The following DOCK10 variants were observed in gnomAD, a reference collection of about 807,000 sequenced individuals.
The protein encoded by DOCK10 is dedicator of cytokinesis 10.
A neutral mutation model predicts 280.1 loss-of-function variants in DOCK10; 145 were observed. That is an observed-to-expected ratio of 0.52 (90% CI 0.45 to 0.59). The LOEUF is 0.59. Among genes scored for constraint, DOCK10 ranks in the 20% least tolerant of loss-of-function variants. DOCK10 has a pLI of 0.00. For synonymous variants in DOCK10, 915 were observed against 942.2 expected, an observed-to-expected ratio of 0.97 and a Z score of 0.53; for missense variants, 2,368 against 2,651.7, an observed-to-expected ratio of 0.89 and a Z score of 2.35.
chr2:225,005,521 T>C (rs1164524854), intron 1 of DOCK10, among the ~76,000 whole-genome samples: 1 of 152,236 alleles, frequency 6.6e-6, no homozygotes, highest in Non-Finnish European at 1.5e-5. Context: ...TTTTAATCAA[T>C]GACTACCTTT....
intron 50 of DOCK10, among the ~76,000 whole-genome samples, chr2:224,779,511 C>G (rs1002059229): frequency 3.3e-5 from 5 of 152,106 alleles, no homozygotes; most frequent in African/African-American, 1.2e-4. Flanking sequence ...CTGGTTTCTT[C>G]TAATTGTAGA....
intron 1 of DOCK10, among the ~76,000 whole-genome samples, chr2:225,038,065 C>T (rs1434292610): frequency 6.6e-6 from 1 of 152,144 alleles, no homozygotes; most frequent in East Asian, 1.9e-4. Context: ...TCATAAAGGA[C>T]TCTGTCCAGA....
At chr2:224,772,077 T>C (rs968927232) in intron 53 of DOCK10, among the ~76,000 whole-genome samples, 3 of 151,972 alleles carry the variant, frequency 2.0e-5, no homozygotes, top group Non-Finnish European at 2.9e-5. Flanking sequence ...TGTGCCACCA[T>C]GCCCGGCTAA....
intron 14 of DOCK10, among the ~76,000 whole-genome samples, chr2:224,860,110 T>C (rs1268783230): frequency 6.6e-6 from 1 of 152,220 alleles, no homozygotes; most frequent in Non-Finnish European, 1.5e-5. Flanking sequence ...TCTAAGCTTG[T>C]GGTTTCATTA....
chr2:224,790,852 T>G (rs1214702264), intron 47 of DOCK10, among the ~76,000 whole-genome samples: 2 of 152,156 alleles, frequency 1.3e-5, no homozygotes, highest in African/African-American at 4.8e-5. Flanking sequence ...AAAAGTATAT[T>G]AAGGGCTTCA....
At chr2:224,839,050 T>C (rs1695776198) in intron 24 of DOCK10, among the ~76,000 whole-genome samples, 1 of 151,936 alleles carries the variant, frequency 6.6e-6, no homozygotes, top group Non-Finnish European at 1.5e-5. Flanking sequence ...AAGACTTATG[T>C]TTACACAAAA....
At chr2:224,957,295 G>C (rs74272795) in intron 1 of DOCK10, among the ~76,000 whole-genome samples, 61,215 of 118,290 alleles carry the variant, frequency 0.52, 16,807 homozygotes, top group Non-Finnish European at 0.56. Context: ...GCCCCCCCCC[G>C]GCTTTGTTTT....
intron 34 of DOCK10, 114 bp downstream of exon 34, chr2:224,806,012 C>T: frequency 1.6e-6 from 1 of 620,288 alleles, no homozygotes; most frequent in East Asian, 2.9e-5. Flanking sequence ...ATGTAGTATA[C>T]TTTGCCACGT....
Position 224,847,484 on chromosome 2 carries a change from G to T in DOCK10, c.2236-1842C>A, listed in dbSNP as rs1452968414. ...ACTGTCCATATTCTCATGTGAAAAA[G>T]CTCATGGCTTTCATGAGGCTTCCAG... On this transcript the variant is annotated intron_variant, in intron 19 of 55. Coordinates refer to ENST00000258390, the MANE Select transcript of DOCK10 (RefSeq NM_014689.3). 6.6e-5 allele frequency among the ~76,000 whole-genome samples: 10 copies of T among 152,172 alleles called. No individual in the cohort carries two copies. In the East Asian group the frequency reaches 1.9e-3, roughly 29 times the overall value.
intron 27 of DOCK10, among the ~76,000 whole-genome samples, chr2:224,828,095 T>C (rs977504924): frequency 6.6e-6 from 1 of 152,224 alleles, no homozygotes; most frequent in East Asian, 1.9e-4. Flanking sequence ...CCTCTCCTTC[T>C]GGTGATCAGG....
chr2:224,885,921 A>G, intron 6 of DOCK10, 116 bp from the exon 7 acceptor site: 20 of 1,503,136 alleles, frequency 1.3e-5, no homozygotes, highest in Non-Finnish European at 1.7e-5. Flanking sequence ...ATTTTTCTAG[A>G]GAAGAGCATC....
chr2:224,918,486 G>GGT (rs150080872), intron 2 of DOCK10, among the ~76,000 whole-genome samples: 21 of 149,200 alleles, frequency 1.4e-4, no homozygotes, highest in African/African-American at 2.0e-4. Flanking sequence ...TTTGTGGTGC[G>GGT]GTGTGTGTGT....
chr2:224,862,448 T>A (rs1697571063), intron 14 of DOCK10: 4 of 485,632 alleles, frequency 8.2e-6, no homozygotes, highest in Admixed American at 3.5e-5. Flanking sequence ...GCAGGGTACA[T>A]GTGTCACGGC....
At chr2:224,958,721 G>A (rs1309997674) in intron 1 of DOCK10, among the ~76,000 whole-genome samples, 1 of 151,784 alleles carries the variant, frequency 6.6e-6, no homozygotes, top group South Asian at 2.1e-4. Flanking sequence ...CTGCCTAAGC[G>A]GGACTGTAAA....
At chr2:224,929,171 A>T (rs1333373471) in intron 2 of DOCK10, among the ~76,000 whole-genome samples, 1 of 152,192 alleles carries the variant, frequency 6.6e-6, no homozygotes, top group Non-Finnish European at 1.5e-5. Flanking sequence ...TCCTCATAGA[A>T]TTGGTCTTTA....
chr2:224,845,245 C>A lies in DOCK10; in HGVS notation c.2439G>T (p.Leu813=). 6.3e-7 allele frequency: 1 copy of A among 1,584,352 alleles called. No individual in the cohort carries two copies. Among genetic ancestry groups the A allele is most frequent in the Non-Finnish European group, 8.6e-7 (1 of 1,163,554 alleles). ...CTTGAAAGCTTAAATAATTAGGAGG[C>A]AGACTTGTTGCTATTGGGATGTTGT... ...QEYNIPIATS[L]PPNYLSFQDS... Residue 813 remains leucine (L), a synonymous_variant, in exon 21 of 56, where the codon CTG becomes CTT. Coordinates refer to ENST00000258390, the MANE Select transcript of DOCK10 (RefSeq NM_014689.3).
chr2:224,935,395 C>G (rs1702626259), intron 1 of DOCK10, among the ~76,000 whole-genome samples: 1 of 152,202 alleles, frequency 6.6e-6, no homozygotes, highest in Non-Finnish European at 1.5e-5. Flanking sequence ...TACAATCTAA[C>G]TGAAACATAA....
intron 1 of DOCK10, among the ~76,000 whole-genome samples, chr2:224,987,835 C>T (rs978933647): frequency 2.0e-5 from 3 of 152,122 alleles, no homozygotes; most frequent in Non-Finnish European, 4.4e-5. Flanking sequence ...TGGTTCAAGT[C>T]TAATTTGATG....
At position 224,775,052 on chromosome 2, in the gene DOCK10, A is replaced by C. The variant is rs778705314; in HGVS notation, c.5866T>G (p.Phe1956Val). 1 of 1,613,902 alleles carries C rather than the reference A, an allele frequency of 6.2e-7. No individual in the cohort carries two copies. Among genetic ancestry groups the C allele is most frequent in the African/African-American group, 1.3e-5 (1 of 74,928 alleles). ...YIQVTYVTPF[F>V]EEKEIEDRKT... ...CGGTCTTCGATTTCCTTTTCCTCAA[A>C]GAACGGCGTCACATAGGTCACCTGG... Residue 1956 changes from phenylalanine (F) to valine (V), a missense_variant, in exon 52 of 56, where the codon TTT becomes GTT. By Grantham distance (50) the Phe-to-Val change is conservative (BLOSUM62 -1). Transcript: ENST00000258390.
Sources: gnomAD v4.1 joint callset for allele counts (sites outside exome capture counted in the v4.1 genomes callset) on GRCh38, gnomAD v4.1.1 for gene constraint, MANE v1.5 for transcripts, NCBI Gene and HGNC (gene_info 2026-07-23, HGNC 2026-07-21) for gene names.